DDX42: variants seen among roughly 807,000 people sequenced by gnomAD.
DDX42 encodes the protein ATP-dependent RNA helicase DDX42.
In DDX42, 22 loss-of-function variants were observed where a neutral mutation model predicts 101.5. That is an observed-to-expected ratio of 0.22 (90% CI 0.15 to 0.31). The LOEUF (loss-of-function observed/expected upper bound fraction) is 0.31, where lower values mean the gene tolerates loss of function less well. DDX42 is among the 10% of genes least tolerant of loss of function. The pLI, the probability that DDX42 is intolerant of heterozygous loss-of-function variation, is 1.00. For synonymous variants in DDX42, 402 were observed against 401.2 expected, an observed-to-expected ratio of 1.00 and a Z score of -0.02; for missense variants, 849 against 1,199.9, an observed-to-expected ratio of 0.71 and a Z score of 4.32.
intron 6 of DDX42, among the ~76,000 whole-genome samples, chr17:63,802,904 C>T (rs1342604219): frequency 9.7e-6 from 1 of 102,980 alleles, no homozygotes; most frequent in Non-Finnish European, 1.9e-5. Flanking sequence ...GAACAACACT[C>T]CATCTCAAAA....
intron 1 of DDX42, chr17:63,776,152 T>G (rs1761595216): frequency 6.6e-6 from 1 of 152,272 alleles, no homozygotes; most frequent in Non-Finnish European, 1.5e-5. Flanking sequence ...GTAATGTGGC[T>G]TATATAATCA....
At chr17:63,780,083 G>A (rs1333024240) in intron 1 of DDX42, among the ~76,000 whole-genome samples, 4 of 152,120 alleles carry the variant, frequency 2.6e-5, no homozygotes, top group East Asian at 1.9e-4. Context: ...GATCACCGGC[G>A]GTCGGGAGTT....
At position 63,810,980 on chromosome 17, in the gene DDX42, TAAAA is replaced by T. The variant is rs1240531389; in HGVS notation, c.1301-92_1301-89del. On this transcript the variant is annotated intron_variant, in intron 12 of 17. Transcript: ENST00000389924. The stretch of plus-strand genomic sequence containing the variant: ...AATTTAAAGTTCAGGTGAGCTTATG[TAAAA>T]AAACTGAATAATCCTGAATGCCAAA... 8 of 966,080 alleles carry T rather than the reference TAAAA, an allele frequency of 8.3e-6. No homozygotes were observed. The Admixed American group carries it at 2.0e-4, about 24-fold the overall frequency. The allele number at this position is 966,080 out of a possible 1,614,324, so 59.8% of individuals were successfully genotyped here. A position where few individuals can be genotyped will look rare whatever the true frequency, so the allele number is the denominator to read the frequency against.
intron 17 of DDX42, chr17:63,817,357 A>G (rs997420059): frequency 1.2e-5 from 4 of 326,494 alleles, no homozygotes; most frequent in Admixed American, 9.0e-5. Flanking sequence ...TTTTGCTGTC[A>G]AACTTAAATT....
Position 63,813,454 on chromosome 17 carries a change from G to A in DDX42, c.1902G>A (p.Gln634=). The change falls in exon 15 of 18, where the codon CAG becomes CAA. Residue 634 remains glutamine, a splice_region_variant and synonymous_variant. Coordinates refer to ENST00000389924, the MANE Select transcript of DDX42 (RefSeq NM_203499.3). ...AGGAACTCCTAGATCTGGCAATGCA[G>A]GTGAGGGGCTGGGCACACTTTCAAT... ...VSKELLDLAM[Q]NAWFRKSRFK... The A allele has an allele frequency of 6.2e-7, 1 of 1,613,352 alleles. No homozygotes were observed. The highest frequency in any genetic ancestry group is 8.5e-7 in the Non-Finnish European group (1 of 1,179,444).
At chr17:63,815,027 T>G (rs2039960210) in intron 15 of DDX42, among the ~76,000 whole-genome samples, 1 of 152,158 alleles carries the variant, frequency 6.6e-6, no homozygotes. Context: ...GTGGCAATGG[T>G]CAAGTTCAAT....
intron 8 of DDX42, 123 bp from the exon 9 acceptor site, chr17:63,807,601 C>T (rs761857248): frequency 1.5e-5 from 12 of 814,354 alleles, no homozygotes; most frequent in Non-Finnish European, 2.2e-5. Flanking sequence ...ATGCATAGCA[C>T]CAGGTATGTT....
chr17:63,780,882 T>G (rs2039480059), intron 1 of DDX42, among the ~76,000 whole-genome samples: 1 of 152,212 alleles, frequency 6.6e-6, no homozygotes, highest in East Asian at 1.9e-4. Context: ...ACTCCTGTTG[T>G]TAAAAGTTTT....
intron 3 of DDX42, among the ~76,000 whole-genome samples, chr17:63,794,627 C>T (rs941772760): frequency 5.6e-5 from 8 of 143,374 alleles, no homozygotes; most frequent in Admixed American, 1.5e-4. Context: ...ATAGTGAGAC[C>T]CTGTCTATAA....
chr17:63,797,546 T>C (rs1266464103), intron 3 of DDX42, among the ~76,000 whole-genome samples: 1 of 152,110 alleles, frequency 6.6e-6, no homozygotes, highest in Non-Finnish European at 1.5e-5. Flanking sequence ...GTAGCCATCC[T>C]CCGCCTCTAG....
At chr17:63,806,281 G>A (rs1814440943) in intron 7 of DDX42, 1 of 285,012 alleles carries the variant, frequency 3.5e-6, no homozygotes, top group African/African-American at 2.2e-5. Context: ...AATTAATTTT[G>A]AGTTAAGAAA....
intron 6 of DDX42, among the ~76,000 whole-genome samples, chr17:63,803,567 CA>C (rs1165590235): frequency 0.039 from 1,748 of 44,256 alleles, 12 homozygotes; most frequent in African/African-American, 0.078. Context: ...GACTCCATCT[CA>C]AAAAAAAAAA....
intron 1 of DDX42, among the ~76,000 whole-genome samples, chr17:63,784,470 G>A (rs1196617380): frequency 6.6e-6 from 1 of 152,088 alleles, no homozygotes; most frequent in East Asian, 1.9e-4. Context: ...TTTCATAAAT[G>A]TAAGTAGTAG....
intron 1 of DDX42, among the ~76,000 whole-genome samples, chr17:63,784,691 T>C (rs1598323626): frequency 6.6e-6 from 1 of 152,304 alleles, no homozygotes; most frequent in East Asian, 1.9e-4. Context: ...GGAGGATCAC[T>C]TGAGCCCAGG....
At position 63,818,114 on chromosome 17, in the gene DDX42, C is replaced by T. The variant is rs370205856; in HGVS notation, c.2533C>T (p.Arg845Cys). 3.3e-5 allele frequency: 54 copies of T among 1,613,760 alleles called. No individual in the cohort carries two copies. Among genetic ancestry groups the T allele is most frequent in the Non-Finnish European group, 4.0e-5 (47 of 1,180,014 alleles). ...GDGGRHGDGY[R>C]HPESSSRHTD... is the part of the protein sequence containing the mutation. ...TGGTGGTCGCCATGGAGATGGATAC[C>T]GCCATCCAGAAAGCAGCAGCCGTCA... Residue 845 changes from arginine (R) to cysteine (C), a missense_variant, in exon 18 of 18, where the codon CGC (arginine) becomes TGC (cysteine). Arg to Cys is a radical substitution (Grantham distance 180). Coordinates refer to ENST00000389924, the MANE Select transcript of DDX42 (RefSeq NM_203499.3).
intron 11 of DDX42, 166 bp from the exon 12 acceptor site, chr17:63,810,347 T>A: frequency 2.0e-6 from 1 of 489,312 alleles, no homozygotes; most frequent in African/African-American, 2.0e-5. Flanking sequence ...TGCTTCGGCC[T>A]CCGAAAGTGC....
chr17:63,790,161 A>G (rs1309047556), intron 2 of DDX42, among the ~76,000 whole-genome samples: 1 of 152,202 alleles, frequency 6.6e-6, no homozygotes, highest in African/African-American at 2.4e-5. Flanking sequence ...AAAACAAACA[A>G]AAAACTAAAA....
At chr17:63,775,319 C>T (rs2039406517) in intron 1 of DDX42, 1 of 152,294 alleles carries the variant, frequency 6.6e-6, no homozygotes, top group South Asian at 2.1e-4. Context: ...TTTATTGGTG[C>T]CTATTCTCTA....
At position 63,818,509 on chromosome 17, in the gene DDX42, T is replaced by A; in HGVS notation, c.*111T>A. ...CCAAAGTGTAAGGACCCCCTGCCCT[T>A]AGTGGAGAGCTGGAGCTTGGAGACA... On this transcript the variant is annotated 3_prime_UTR_variant, in exon 18 of 18. Transcript: ENST00000389924. 1.0e-6 allele frequency: 1 copy of A among 955,468 alleles called. No individual in the cohort carries two copies. Among genetic ancestry groups the A allele is most frequent in the South Asian group, 1.7e-5 (1 of 57,586 alleles). The allele number at this position is 955,468 out of a possible 1,614,324, so 59.2% of individuals were successfully genotyped here.
Sources: gnomAD v4.1 joint callset for allele counts (sites outside exome capture counted in the v4.1 genomes callset) on GRCh38, gnomAD v4.1.1 for gene constraint, MANE v1.5 for transcripts, NCBI Gene and HGNC (gene_info 2026-07-23, HGNC 2026-07-21) for gene names.